Variants in LYPD6B observed in about 807,000 individuals in gnomAD.
LYPD6B encodes the protein ly6/PLAUR domain-containing protein 6B.
In LYPD6B, 17 loss-of-function variants were observed where a neutral mutation model predicts 22.8. That is an observed-to-expected ratio of 0.75 (90% confidence interval 0.51 to 1.12). The LOEUF (loss-of-function observed/expected upper bound fraction) is 1.12. LYPD6B is among the 50% of genes most tolerant of loss of function. LYPD6B has a pLI of 0.00. For missense variants in LYPD6B, 221 were observed against 258.3 expected, an observed-to-expected ratio of 0.86 and a Z score of 0.99; for synonymous variants, 106 against 91.6, an observed-to-expected ratio of 1.16 and a Z score of -0.90.
At chr2:149,189,788 T>C (rs1692379016) in intron 3 of LYPD6B, among the ~76,000 whole-genome samples, 1 of 152,116 alleles carries the variant, frequency 6.6e-6, no homozygotes, top group South Asian at 2.1e-4. Flanking sequence ...CCAGTGCAGT[T>C]TGCAAAATGT....
intron 2 of LYPD6B, among the ~76,000 whole-genome samples, chr2:149,142,371 A>G (rs1374848374): frequency 6.6e-6 from 1 of 152,082 alleles, no homozygotes; most frequent in East Asian, 1.9e-4. Flanking sequence ...TTTTTCCAGG[A>G]ATGGGGTCCT....
chr2:149,073,754 G>C (rs1259003878), intron 1 of LYPD6B, among the ~76,000 whole-genome samples: 1 of 151,930 alleles, frequency 6.6e-6, no homozygotes, highest in Non-Finnish European at 1.5e-5. Context: ...TGCAGGCAGG[G>C]TGATGCACTC....
At chr2:149,053,706 G>T (rs181581423) in intron 1 of LYPD6B, among the ~76,000 whole-genome samples, 1 of 152,236 alleles carries the variant, frequency 6.6e-6, no homozygotes, top group Admixed American at 6.5e-5. Flanking sequence ...ACTCCAAAAA[G>T]AAATCTCATA....
At chr2:149,122,732 A>G (rs1480810057) in intron 1 of LYPD6B, among the ~76,000 whole-genome samples, 3 of 151,974 alleles carry the variant, frequency 2.0e-5, no homozygotes, top group Non-Finnish European at 4.4e-5. Context: ...ACAGCATTCC[A>G]CAGGGCGGTT....
At chr2:149,176,868 G>A (rs1349123060) in intron 3 of LYPD6B, among the ~76,000 whole-genome samples, 8 of 152,146 alleles carry the variant, frequency 5.3e-5, no homozygotes, top group Non-Finnish European at 5.9e-5. Flanking sequence ...TTTAAAATTA[G>A]AGTAGCAGCT....
intron 2 of LYPD6B, among the ~76,000 whole-genome samples, chr2:149,143,505 A>G (rs1688821734): frequency 9.2e-6 from 1 of 108,360 alleles, no homozygotes; most frequent in East Asian, 2.6e-4. Flanking sequence ...ACATTGCAAC[A>G]TGTGACGCAA....
At chr2:149,134,162 T>C (rs1322160142) in intron 2 of LYPD6B, among the ~76,000 whole-genome samples, 1 of 152,084 alleles carries the variant, frequency 6.6e-6, no homozygotes, top group Non-Finnish European at 1.5e-5. Context: ...CCCATGTACT[T>C]GAGCTGGAGA....
intron 3 of LYPD6B, among the ~76,000 whole-genome samples, chr2:149,197,105 A>C (rs1692858750): frequency 6.6e-6 from 1 of 152,240 alleles, no homozygotes; most frequent in Non-Finnish European, 1.5e-5. Flanking sequence ...CTTTCTCTCA[A>C]GTATAAAGAC....
chr2:149,067,915 A>G (rs1265331386), intron 1 of LYPD6B, among the ~76,000 whole-genome samples: 1 of 152,196 alleles, frequency 6.6e-6, no homozygotes. Flanking sequence ...TTGCTTTGGA[A>G]GAATGCGTGA....
At chr2:149,127,085 G>A (rs1687743572) in intron 1 of LYPD6B, among the ~76,000 whole-genome samples, 2 of 150,136 alleles carry the variant, frequency 1.3e-5, no homozygotes, top group African/African-American at 4.9e-5. Context: ...AATCTTTCTG[G>A]TCATTTTCTT....
intron 1 of LYPD6B, among the ~76,000 whole-genome samples, chr2:149,066,860 TG>T (rs1684360190): frequency 6.6e-6 from 1 of 152,116 alleles, no homozygotes; most frequent in African/African-American, 2.4e-5. Context: ...GTTTGTTACA[TG>T]GGTATACTGT....
intron 2 of LYPD6B, among the ~76,000 whole-genome samples, chr2:149,147,210 GAAAACAAAAAC>G (rs148027725): frequency 0.63 from 95,962 of 151,316 alleles, 30,526 homozygotes; most frequent in South Asian, 0.75. Context: ...GTGTTCAAAA[GAAAACAAAAAC>G]AAAACAAAAA....
chr2:149,191,933 C>T (rs1692520642), intron 3 of LYPD6B, among the ~76,000 whole-genome samples: 1 of 152,196 alleles, frequency 6.6e-6, no homozygotes, highest in South Asian at 2.1e-4. Flanking sequence ...AAAAAGGACA[C>T]TGTTTTGGTG....
At chr2:149,073,403 G>A (rs903785088) in intron 1 of LYPD6B, among the ~76,000 whole-genome samples, 3 of 152,124 alleles carry the variant, frequency 2.0e-5, no homozygotes, top group Non-Finnish European at 2.9e-5. Context: ...TGTTTTCTTG[G>A]TCCGTGTTTC....
chr2:149,098,967 T>TA (rs1686059434), intron 1 of LYPD6B, among the ~76,000 whole-genome samples: 1 of 152,096 alleles, frequency 6.6e-6, no homozygotes, highest in Non-Finnish European at 1.5e-5. Context: ...ATTGCTTAAG[T>TA]AAATGTTTCC....
intron 1 of LYPD6B, among the ~76,000 whole-genome samples, chr2:149,095,836 G>T (rs1685878785): frequency 6.6e-6 from 1 of 151,970 alleles, no homozygotes; most frequent in African/African-American, 2.4e-5. Flanking sequence ...AGACAAGAGA[G>T]ACAGGAGACA....
intron 1 of LYPD6B, chr2:149,068,800 C>A: frequency 4.3e-6 from 2 of 463,102 alleles, no homozygotes; most frequent in South Asian, 1.7e-5. Flanking sequence ...AAGGCTCGAT[C>A]ATTTTGCAAG....
intron 1 of LYPD6B, among the ~76,000 whole-genome samples, chr2:149,117,271 C>CT (rs113049914): frequency 0.1 from 14,750 of 143,786 alleles, 2,093 homozygotes; most frequent in East Asian, 0.3. Context: ...TGTCATTCAT[C>CT]TTTTTTTTTT....
intron 2 of LYPD6B, among the ~76,000 whole-genome samples, chr2:149,140,286 C>T (rs1011080486): frequency 6.6e-6 from 1 of 152,142 alleles, no homozygotes; most frequent in Admixed American, 6.5e-5. Context: ...AACGAGCGAG[C>T]TTGTGGTTCA....
Sources: allele counts gnomAD v4.1 joint callset (sites outside exome capture counted in the v4.1 genomes callset), GRCh38; gene constraint gnomAD v4.1.1; transcripts MANE v1.5; gene names NCBI Gene and HGNC (gene_info 2026-07-23, HGNC 2026-07-21).